Variants in DISP3 observed in about 807,000 individuals in gnomAD.
The protein encoded by DISP3 is protein dispatched homolog 3.
A neutral mutation model predicts 135.3 loss-of-function variants in DISP3; 101 were observed. The observed-to-expected ratio is 0.75, with a 90% CI of 0.64 to 0.88. DISP3 has a LOEUF of 0.88. Among genes scored for constraint, DISP3 ranks in the 40% least tolerant of loss-of-function variants. The pLI is 0.00. For synonymous variants in DISP3, 856 were observed against 817.0 expected, an observed-to-expected ratio of 1.05 and a Z score of -0.81; for missense variants, 1,713 against 1,878.6, an observed-to-expected ratio of 0.91 and a Z score of 1.63.
At chr1:11,495,772 C>T (rs1047640200) in intron 1 of DISP3, among the ~76,000 whole-genome samples, 39 of 152,312 alleles carry the variant, frequency 2.6e-4, no homozygotes, top group Admixed American at 1.6e-3. Context: ...TGCCAGCTCC[C>T]CCTGTCCAAG....
At chr1:11,514,912 G>A (rs1324173354) in intron 4 of DISP3, among the ~76,000 whole-genome samples, 1 of 152,154 alleles carries the variant, frequency 6.6e-6, no homozygotes, top group African/African-American at 2.4e-5. Context: ...ACCTCCGTGT[G>A]CCCCTGGATA....
chr1:11,480,462 A>T (rs932753353), intron 1 of DISP3, among the ~76,000 whole-genome samples: 12 of 152,112 alleles, frequency 7.9e-5, no homozygotes, highest in Admixed American at 7.9e-4. Context: ...CACGGTTCAC[A>T]CGCACGTGGG....
rs74053007 is a variant in DISP3 at position 11,537,145 on chromosome 1, G to T, written c.*459G>T. ...AGCAGAGCCAGAGCTGCCTCCGAGC[G>T]CCATGCCGCCCTCGGGAATCATACA... On this transcript the variant is annotated 3_prime_UTR_variant, in exon 21 of 21. Transcript: ENST00000294484. 4,061 of 161,924 alleles carry T rather than the reference G, an allele frequency of 0.025. 169 individuals are homozygous for T. Among genetic ancestry groups the T allele is most frequent in the African/African-American group, 0.087 (3,633 of 41,700 alleles). The allele number at this position is 161,924 out of a possible 1,614,324, so 10.0% of individuals were successfully genotyped here.
rs1214635299 is a variant in DISP3, at chr1:11,501,742, C to T, written c.750C>T (p.Arg250=). ...TCGCGGCCAATCAGAGCCGTGCCCG[C>T]CGAGGCGCCTCGCGCTGGGACTACT... ...AAVAANQSRA[R]RGASRWDYSR... is the part of the protein sequence containing the mutation. The change falls in exon 2 of 21, where the codon CGC becomes CGT. Residue 250 remains arginine (R), a synonymous_variant. Coordinates refer to ENST00000294484, the MANE Select transcript of DISP3 (RefSeq NM_020780.2). This position sits in a 1 kb window ranked among gnomAD's most constrained non-coding sequence, Gnocchi z 4.9. 7 of 1,592,482 alleles carry T rather than the reference C, an allele frequency of 4.4e-6. No individual in the cohort carries two copies. Among genetic ancestry groups the T allele is most frequent in the Admixed American group, 1.7e-5 (1 of 58,038 alleles).
In DISP3 at chr1:11,491,235, A is replaced by T. The variant is rs1342944748; in HGVS notation, c.-3-9755A>T. ...AGGGAGCCACTGGGAACAGGGGAGG[A>T]TGACCAGGGCAGCAGGGGTTTTCCA... On this transcript the variant is annotated intron_variant, in intron 1 of 20. Coordinates refer to ENST00000294484, the MANE Select transcript of DISP3 (RefSeq NM_020780.2). This position sits in a 1 kb window ranked among gnomAD's most constrained non-coding sequence, Gnocchi z 4.3. Among the ~76,000 whole-genome samples the T allele has an allele frequency of 6.6e-6, 1 of 152,162 alleles. No individual in the cohort carries two copies. Among genetic ancestry groups the T allele is most frequent in the Non-Finnish European group, 1.5e-5 (1 of 68,036 alleles).
chr1:11,534,398 A>C lies in DISP3; in HGVS notation c.3393A>C (p.Lys1131Asn). Residue 1131 changes from lysine (K) to asparagine (N), a missense_variant, in exon 18 of 21, where the codon AAA becomes AAC. By Grantham distance (94) the Lys-to-Asn change is moderately conservative. Around this residue, in one of 2 missense-constraint regions of DISP3, gnomAD observed 1,142 missense variants for 1,384.6 expected, o/e 0.82. Transcript: ENST00000294484. ...CCCCACAGACCACGTACAAGGGCAA[A>C]TCCTCCTTCCAGACCTACTCGGACT... Reference protein sequence around the residue: ...MAFESTTYKGKSSFQTYSDYL... With the variant: ...MAFESTTYKGNSSFQTYSDYL... 2 of 1,614,178 alleles carry C rather than the reference A, an allele frequency of 1.2e-6. No individual in the cohort carries two copies. The highest frequency in any genetic ancestry group is 1.7e-6 in the Non-Finnish European group (2 of 1,180,024).
At chr1:11,526,505 G>C in intron 12 of DISP3, 146 bp from the exon 13 acceptor site, 1 of 882,680 alleles carries the variant, frequency 1.1e-6, no homozygotes, top group Non-Finnish European at 1.8e-6. Flanking sequence ...GGCCTCCCAA[G>C]CCTCTGCCCA....
intron 3 of DISP3, among the ~76,000 whole-genome samples, chr1:11,512,088 A>G (rs946914277): frequency 6.6e-6 from 1 of 152,056 alleles, no homozygotes; most frequent in Non-Finnish European, 1.5e-5. Flanking sequence ...CATGAAACCA[A>G]TTCTTCCTCC....
At chr1:11,513,129 A>T (rs1641905565) in intron 3 of DISP3, among the ~76,000 whole-genome samples, 1 of 152,012 alleles carries the variant, frequency 6.6e-6, no homozygotes, top group Non-Finnish European at 1.5e-5. Flanking sequence ...CTAAAAAATA[A>T]AAAAAATCGG....
At chr1:11,486,631 TC>T (rs1641042886) in intron 1 of DISP3, among the ~76,000 whole-genome samples, 1 of 152,156 alleles carries the variant, frequency 6.6e-6, no homozygotes, top group Non-Finnish European at 1.5e-5. Context: ...GTGAAAAGGT[TC>T]ATGGAGCCTT....
chr1:11,508,775 T>C (rs2817646), intron 3 of DISP3, among the ~76,000 whole-genome samples: 75,260 of 152,054 alleles, frequency 0.49, 21,355 homozygotes, highest in Non-Finnish European at 0.64. Context: ...CATTTATCCT[T>C]TGAGTTATAG....
Position 11,529,903 on chromosome 1 carries a change from G to C in DISP3, c.3046G>C (p.Gly1016Arg). ...CGGGGCCATGGTCTTTGTGGTCTTC[G>C]GCATTATTGGCGTCAACCGCACTCG... ...DTGAMVFVVF[G>R]IIGVNRTRQV... The change falls in exon 15 of 21, where the codon GGC becomes CGC. Residue 1016 changes from glycine to arginine, a missense_variant. Coordinates refer to ENST00000294484, the MANE Select transcript of DISP3 (RefSeq NM_020780.2). This position sits in a 1 kb window ranked among gnomAD's most constrained non-coding sequence, Gnocchi z 4.7. 6.2e-7 allele frequency: 1 copy of C among 1,613,946 alleles called. No individual in the cohort carries two copies. Among genetic ancestry groups the C allele is most frequent in the East Asian group, 2.2e-5 (1 of 44,884 alleles).
intron 1 of DISP3, 40 bp from the exon 2 acceptor site, chr1:11,500,946 CCTCA>C: frequency 1.9e-6 from 3 of 1,603,424 alleles, no homozygotes; most frequent in Non-Finnish European, 2.6e-6. Context: ...GGCACCTTCC[CCTCA>C]CTGTCTCTCT....
At chr1:11,528,069 G>A (rs1264050492) in intron 13 of DISP3, among the ~76,000 whole-genome samples, 3 of 152,232 alleles carry the variant, frequency 2.0e-5, no homozygotes, top group Admixed American at 6.5e-5. Flanking sequence ...GTACAAATAA[G>A]TACTTGCTGA....
Position 11,484,600 on chromosome 1 carries a change from T to C in DISP3, c.-4+5228T>C, listed in dbSNP as rs917035291. On this transcript the variant is annotated intron_variant, in intron 1 of 20. Transcript: ENST00000294484. Reference sequence around the variant, plus strand: ...AGAAGATGCTGGAGAGGGTCTCGTCTGCAGAACTCCCGGCATGCCCTTGAT... The same window carrying C: ...AGAAGATGCTGGAGAGGGTCTCGTCCGCAGAACTCCCGGCATGCCCTTGAT... Among the ~76,000 whole-genome samples the C allele has an allele frequency of 3.3e-5, 5 of 152,242 alleles. No individual in the cohort carries two copies. In the South Asian group the frequency reaches 1.0e-3, roughly 32 times the overall value.
In DISP3 at chr1:11,523,995, GAGA is replaced by G. The variant is rs1570134643; in HGVS notation, c.2423_2425del (p.Lys808del). On this transcript the variant is annotated inframe_deletion, in exon 11 of 21. Transcript: ENST00000294484. ...GCAGAACAACATCCGGACGTCCCTGGAGAAGAAGAGGCGAGGCTCAGGGGTCCC... is the reference window on the plus strand; with the variant it reads ...GCAGAACAACATCCGGACGTCCCTGGAGAAGAGGCGAGGCTCAGGGGTCCC... 2 of 1,613,310 alleles carry G rather than the reference GAGA, an allele frequency of 1.2e-6. No individual in the cohort carries two copies. The highest frequency in any genetic ancestry group is 8.5e-7 in the Non-Finnish European group (1 of 1,179,680).
chr1:11,536,251 G>T lies in DISP3; in HGVS notation c.3817-73G>T. Reference sequence around the variant, plus strand: ...CAGGAACCTGGCGTGGGGTGGGGGTGCGTGATTCCCCAGGTGCTGGCCAGA... The same window carrying T: ...CAGGAACCTGGCGTGGGGTGGGGGTTCGTGATTCCCCAGGTGCTGGCCAGA... On this transcript the variant is annotated intron_variant, in intron 20 of 20. Coordinates refer to ENST00000294484, the MANE Select transcript of DISP3 (RefSeq NM_020780.2). The surrounding 1 kb of genome is among the most constrained non-coding windows in gnomAD (Gnocchi z 4.3). 6.6e-7 allele frequency: 1 copy of T among 1,522,854 alleles called. No individual in the cohort carries two copies. 94.3% of individuals were successfully genotyped at this position (1,522,854 alleles called of 1,614,324 possible).
intron 1 of DISP3, among the ~76,000 whole-genome samples, chr1:11,489,520 C>A (rs1316545272): frequency 6.6e-6 from 1 of 152,210 alleles, no homozygotes; most frequent in Non-Finnish European, 1.5e-5. Context: ...ACAGCAGGAT[C>A]CCTGCATGCT....
rs199569508 is a variant in DISP3, at chr1:11,519,414, C to T, written c.1949C>T (p.Ala650Val). Residue 650 changes from alanine to valine, a missense_variant, in exon 8 of 21, where the codon GCT (alanine) becomes GTT (valine). Ala to Val is a moderately conservative substitution (Grantham distance 64). This residue lies in a region of DISP3 where 1,142 missense variants were observed against 1,384.6 expected (regional missense o/e 0.82). Coordinates refer to ENST00000294484, the MANE Select transcript of DISP3 (RefSeq NM_020780.2). The surrounding 1 kb of genome is among the most constrained non-coding windows in gnomAD (Gnocchi z 4.3). ...SLHFPGDVFA[A>V]PEQVGGSPAQ... ...CACTTCCCCGGAGACGTGTTTGCCGCTCCCGAGCAGGTTGGAGGCAGCCCT... is the reference window on the plus strand; with the variant it reads ...CACTTCCCCGGAGACGTGTTTGCCGTTCCCGAGCAGGTTGGAGGCAGCCCT... 6.6e-5 allele frequency: 107 copies of T among 1,613,864 alleles called. No homozygotes were observed. The Admixed American group carries it at 7.5e-4, about 11-fold the overall frequency.
Sources: gnomAD v4.1 joint callset for allele counts (sites outside exome capture counted in the v4.1 genomes callset) on GRCh38, gnomAD v4.1.1 for gene constraint, gnomAD v4.1.1 regional missense constraint, Gnocchi (gnomAD v3.1) non-coding constraint, MANE v1.5 for transcripts, NCBI Gene and HGNC (gene_info 2026-07-23, HGNC 2026-07-21) for gene names.